ANKRD26: variants seen among roughly 807,000 people sequenced by gnomAD.
ANKRD26 encodes the protein ankyrin repeat domain 26, also known as ankyrin repeat domain-containing protein 26.
Under a neutral mutation model 208.7 loss-of-function variants are expected in ANKRD26, and 141 were observed. The observed-to-expected ratio is 0.68, with a 90% CI of 0.59 to 0.78. The LOEUF is 0.78. Ranked by LOEUF, ANKRD26 falls within the 30% of genes least tolerant of loss-of-function variation. The probability of loss-of-function intolerance (pLI) is 0.00; values close to 1 mark genes in which losing one functional copy is unlikely to be tolerated. For missense variants in ANKRD26, 1,889 were observed against 1,938.7 expected, an observed-to-expected ratio of 0.97 and a Z score of 0.48; for synonymous variants, 636 against 660.4, an observed-to-expected ratio of 0.96 and a Z score of 0.57.
At chr10:27,040,242 T>C in intron 20 of ANKRD26, 64 bp from the exon 21 acceptor site, 1 of 1,173,820 alleles carries the variant, frequency 8.5e-7, no homozygotes. Context: ...CACTGTGCAC[T>C]ATAACATTCA....
intron 21 of ANKRD26, among the ~76,000 whole-genome samples, chr10:27,038,575 C>T (rs538507383): frequency 3.2e-4 from 48 of 151,202 alleles, no homozygotes; most frequent in African/African-American, 1.1e-3. Flanking sequence ...CGCTTGAACC[C>T]GGGAGGCGGA....
At chr10:27,049,057 A>G in intron 16 of ANKRD26, 78 bp from the exon 17 acceptor site, 2 of 1,273,464 alleles carry the variant, frequency 1.6e-6, no homozygotes, top group Non-Finnish European at 2.2e-6. Context: ...TGAGTTTATC[A>G]TTTGACTCAG....
At chr10:26,969,388 C>G (rs138524320), downstream of ANKRD26, among the ~76,000 whole-genome samples, 1 of 152,200 alleles carries the variant, frequency 6.6e-6, no homozygotes, top group South Asian at 2.1e-4. Flanking sequence ...GAGGCAAATA[C>G]TCAGTGATCA....
chr10:27,062,587 T>C (rs911302247), intron 12 of ANKRD26, among the ~76,000 whole-genome samples: 5 of 152,198 alleles, frequency 3.3e-5, no homozygotes, highest in African/African-American at 1.2e-4. Flanking sequence ...GAATCTGGTG[T>C]CAAGCTCCTC....
intron 21 of ANKRD26, among the ~76,000 whole-genome samples, chr10:27,039,577 A>C (rs982150482): frequency 6.6e-6 from 1 of 152,172 alleles, no homozygotes; most frequent in Admixed American, 6.5e-5. Flanking sequence ...TTTTAAAAAA[A>C]ATTCCTATAC....
intron 11 of ANKRD26, 135 bp from the exon 12 acceptor site, chr10:27,064,216 G>T: frequency 1.4e-6 from 1 of 729,726 alleles, no homozygotes. Flanking sequence ...AGATAAGCAT[G>T]TATTGAAAAC....
Position 27,079,458 on chromosome 10 carries a change from G to C in ANKRD26, c.741-297C>G, listed in dbSNP as rs3818633. Among the ~76,000 whole-genome samples, 2,542 of 152,280 alleles carry C rather than the reference G, an allele frequency of 0.017. 151 individuals carry two copies. The highest frequency in any genetic ancestry group is 0.16 in the East Asian group (818 of 5,182). Reference sequence around the variant, plus strand: ...CAGCCAAGATAATGGCAGAACCTGGGAATACTTTGTCTTCACAAATTGTCC... The same window carrying C: ...CAGCCAAGATAATGGCAGAACCTGGCAATACTTTGTCTTCACAAATTGTCC... On this transcript the variant is annotated intron_variant, in intron 6 of 33. Coordinates refer to ENST00000376087, the MANE Select transcript of ANKRD26 (RefSeq NM_014915.3).
intron 27 of ANKRD26, among the ~76,000 whole-genome samples, chr10:27,025,065 C>T (rs1381399039): frequency 3.3e-5 from 5 of 152,180 alleles, no homozygotes; most frequent in Admixed American, 3.3e-4. Flanking sequence ...AACCATTTCT[C>T]TTTAAATAAA....
chr10:26,965,489 G>T, the ANKRD26 span, among the ~76,000 whole-genome samples: 1 of 152,150 alleles, frequency 6.6e-6, no homozygotes, highest in African/African-American at 2.4e-5. Flanking sequence ...ACTCAAGATG[G>T]ATTAAAGACT....
At chr10:27,027,777 A>G (rs2053715343) in intron 27 of ANKRD26, among the ~76,000 whole-genome samples, 1 of 152,170 alleles carries the variant, frequency 6.6e-6, no homozygotes, top group Non-Finnish European at 1.5e-5. Flanking sequence ...CCCAACTTAC[A>G]ATTTTTCAAC....
rs1189594572 is a variant in ANKRD26 at position 27,079,651 on chromosome 10, C to T, written c.741-490G>A. On this transcript the variant is annotated intron_variant, in intron 6 of 33. Coordinates refer to ENST00000376087, the MANE Select transcript of ANKRD26 (RefSeq NM_014915.3). The stretch of plus-strand genomic sequence containing the variant: ...GGAAGATAACTTGAGCCCAGGAGTT[C>T]GAGATCAGCCTGGCCAACATGGCGA... 2.0e-5 allele frequency among the ~76,000 whole-genome samples: 3 copies of T among 151,984 alleles called. No individual in the cohort carries two copies. The East Asian group carries it at 5.8e-4, about 29-fold the overall frequency.
intron 29 of ANKRD26, among the ~76,000 whole-genome samples, chr10:27,021,339 T>C (rs2053480499): frequency 6.6e-6 from 1 of 152,230 alleles, no homozygotes; most frequent in Non-Finnish European, 1.5e-5. Flanking sequence ...GGCAGTTCTA[T>C]TTTTAGTTTT....
At chr10:26,998,867 ATGGTAGAATGGAGAATGGAG>A (rs1282709113) in intron 4 of ANKRD26, among the ~76,000 whole-genome samples, 1 of 152,124 alleles carries the variant, frequency 6.6e-6, no homozygotes, top group African/African-American at 2.4e-5. Flanking sequence ...GGAGGGGAAG[ATGGTAGAATGGAGAATGGAG>A]CACGCAGGAG....
At chr10:27,042,798 C>CAAAAAAAAAAAAAAAAAAAAA (rs60850386) in intron 20 of ANKRD26, among the ~76,000 whole-genome samples, 13 of 48,904 alleles carry the variant, frequency 2.7e-4, no homozygotes, top group East Asian at 4.7e-4. Flanking sequence ...CAAAAAAATA[C>CAAAAAAAAAAAAAAAAAAAAA]AAAAAAAAAA....
chr10:26,949,820 T>C, the ANKRD26 span, among the ~76,000 whole-genome samples: 1 of 152,196 alleles, frequency 6.6e-6, no homozygotes, highest in African/African-American at 2.4e-5. Context: ...GTTATTTTAA[T>C]TGGGATCTGA....
chr10:27,096,093 G>T (rs117859868), intron 1 of ANKRD26, among the ~76,000 whole-genome samples: 2,946 of 152,266 alleles, frequency 0.019, 44 homozygotes, highest in Middle Eastern at 0.048. Flanking sequence ...CTCAACACAG[G>T]AGCCAAGCAG....
the ANKRD26 span, among the ~76,000 whole-genome samples, chr10:26,960,103 A>T: frequency 6.6e-6 from 1 of 151,728 alleles, no homozygotes; most frequent in Non-Finnish European, 1.5e-5. Context: ...TGGAGGCGAC[A>T]GCACCATTGC....
chr10:27,070,325 A>C (rs1398248152), intron 9 of ANKRD26, among the ~76,000 whole-genome samples: 1 of 152,104 alleles, frequency 6.6e-6, no homozygotes, highest in Admixed American at 6.6e-5. Context: ...GCTTGAACCC[A>C]GGAAGCAGAG....
intron 4 of ANKRD26, among the ~76,000 whole-genome samples, chr10:27,091,136 C>T (rs902361155): frequency 6.6e-6 from 1 of 152,134 alleles, no homozygotes; most frequent in Non-Finnish European, 1.5e-5. Flanking sequence ...ATAGGAGTCA[C>T]AGTAGTTTCA....
Sources: gnomAD v4.1 joint callset for allele counts (sites outside exome capture counted in the v4.1 genomes callset) on GRCh38, gnomAD v4.1.1 for gene constraint, MANE v1.5 for transcripts, NCBI Gene and HGNC (gene_info 2026-07-23, HGNC 2026-07-21) for gene names.